The following MBD5 variants were observed in gnomAD, a reference collection of about 807,000 sequenced individuals.
The protein encoded by MBD5 is methyl-CpG-binding domain protein 5.
A neutral mutation model predicts 117.3 loss-of-function variants in MBD5; 13 were observed. That is an observed-to-expected ratio of 0.11 (90% confidence interval 0.07 to 0.18). The LOEUF (loss-of-function observed/expected upper bound fraction) is 0.18, where lower values mean the gene tolerates loss of function less well. Ranked by LOEUF, MBD5 falls within the 10% of genes least tolerant of loss-of-function variation. The pLI is 1.00. For missense variants in MBD5, 1,879 were observed against 2,093.8 expected, an observed-to-expected ratio of 0.90 and a Z score of 2.00; for synonymous variants, 727 against 766.4, an observed-to-expected ratio of 0.95 and a Z score of 0.85.
At position 148,234,860 on chromosome 2, in the gene MBD5, T is replaced by C. The variant is rs768760413; in HGVS notation, c.-680+1465T>C. Among the ~76,000 whole-genome samples, 160 of 152,180 alleles carry C rather than the reference T, an allele frequency of 1.1e-3. 1 individual carries two copies. The highest frequency in any genetic ancestry group is 1.2e-3 in the South Asian group (6 of 4,834). On this transcript the variant is annotated intron_variant, in intron 3 of 13. Transcript: ENST00000642680. ...CATTTTAAATATTATTTAAATATTTTCTTAGTTTGGTATAATCCACTTAAC... is the reference window on the plus strand; with the variant it reads ...CATTTTAAATATTATTTAAATATTTCCTTAGTTTGGTATAATCCACTTAAC...
At chr2:148,395,426 CTT>C (rs397758785) in intron 4 of MBD5, among the ~76,000 whole-genome samples, 26 of 123,954 alleles carry the variant, frequency 2.1e-4, no homozygotes, top group African/African-American at 6.7e-4. Flanking sequence ...CCCAACTCAT[CTT>C]TTTTTTTTTT....
At chr2:148,316,220 A>G (rs1702154632) in intron 3 of MBD5, among the ~76,000 whole-genome samples, 1 of 152,144 alleles carries the variant, frequency 6.6e-6, no homozygotes, top group South Asian at 2.1e-4. Context: ...TGAGATTTGG[A>G]TGGGGACACA....
chr2:148,509,931 A>G, intron 12 of MBD5, 129 bp from the exon 13 acceptor site: 3 of 717,234 alleles, frequency 4.2e-6, no homozygotes, highest in Non-Finnish European at 7.6e-6. Context: ...TGTCATCTGA[A>G]TTTTCCAAAC....
intron 8 of MBD5, among the ~76,000 whole-genome samples, chr2:148,473,947 A>C (rs1680876780): frequency 6.6e-6 from 1 of 152,190 alleles, no homozygotes; most frequent in Non-Finnish European, 1.5e-5. Context: ...TAACAGATTT[A>C]GAAACTGACC....
intron 12 of MBD5, among the ~76,000 whole-genome samples, chr2:148,508,185 A>G (rs896416292): frequency 1.3e-5 from 2 of 152,196 alleles, no homozygotes; most frequent in African/African-American, 4.8e-5. Context: ...TGCTTGGCAG[A>G]CACCTCATTA....
intron 1 of MBD5, among the ~76,000 whole-genome samples, chr2:148,138,440 G>A (rs1319960373): frequency 6.6e-6 from 1 of 152,118 alleles, no homozygotes; most frequent in Non-Finnish European, 1.5e-5. Flanking sequence ...AGATTCATTT[G>A]GAATAAATCT....
intron 5 of MBD5, among the ~76,000 whole-genome samples, chr2:148,459,351 T>TTTAC (rs762438551): frequency 1.4e-4 from 21 of 152,254 alleles, no homozygotes; most frequent in Admixed American, 5.2e-4. Flanking sequence ...TTTCCTTGCG[T>TTTAC]GTAATAGTAA....
rs571361533 is a variant in MBD5 at position 148,335,939 on chromosome 2, G to A, written c.-679-6275G>A. ...ATACAGCTAGTGCATGACAAAAGTCGAATTCAAATTCAAGATTCATTTATT... is the reference window on the plus strand; with the variant it reads ...ATACAGCTAGTGCATGACAAAAGTCAAATTCAAATTCAAGATTCATTTATT... On this transcript the variant is annotated intron_variant, in intron 3 of 13. Transcript: ENST00000642680. Among the ~76,000 whole-genome samples the A allele has an allele frequency of 8.5e-5, 13 of 152,198 alleles. No homozygotes were observed. The South Asian group carries it at 1.7e-3, about 19-fold the overall frequency.
At chr2:148,511,372 C>T (rs1682209086) in intron 13 of MBD5, among the ~76,000 whole-genome samples, 1 of 152,210 alleles carries the variant, frequency 6.6e-6, no homozygotes, top group Non-Finnish European at 1.5e-5. Flanking sequence ...GCCATCATCT[C>T]TCTAGGCTCT....
At chr2:148,083,478 A>G (rs1357219506) in intron 1 of MBD5, among the ~76,000 whole-genome samples, 1 of 152,116 alleles carries the variant, frequency 6.6e-6, no homozygotes, top group Non-Finnish European at 1.5e-5. Context: ...AGACATATAC[A>G]TGGTCCATCC....
intron 4 of MBD5, chr2:148,346,336 C>A (rs1218189228): frequency 6.6e-6 from 1 of 151,864 alleles, no homozygotes; most frequent in Non-Finnish European, 1.5e-5. Flanking sequence ...CTGTCAATAT[C>A]CCACTACACA....
chr2:148,234,907 A>C (rs1384898641), intron 3 of MBD5, among the ~76,000 whole-genome samples: 1 of 152,170 alleles, frequency 6.6e-6, no homozygotes, highest in Non-Finnish European at 1.5e-5. Flanking sequence ...ACTACTAAAA[A>C]TTGATCATTG....
At chr2:148,482,306 T>TA (rs1214476220) in intron 8 of MBD5, among the ~76,000 whole-genome samples, 2 of 152,026 alleles carry the variant, frequency 1.3e-5, no homozygotes, top group Admixed American at 6.6e-5. Context: ...TTGGAAATAA[T>TA]AAAAAAACTC....
chr2:148,121,430 G>T, intron 1 of MBD5, among the ~76,000 whole-genome samples: 1 of 150,784 alleles, frequency 6.6e-6, no homozygotes. Flanking sequence ...TTTTTACAAT[G>T]ATATGCATTT....
intron 1 of MBD5, among the ~76,000 whole-genome samples, chr2:148,152,217 C>T (rs1351125809): frequency 6.6e-6 from 1 of 152,178 alleles, no homozygotes; most frequent in Non-Finnish European, 1.5e-5. Context: ...CATTCAGGAG[C>T]AGGTTGTTCA....
At chr2:148,269,551 C>T (rs1228371154) in intron 3 of MBD5, among the ~76,000 whole-genome samples, 1 of 151,598 alleles carries the variant, frequency 6.6e-6, no homozygotes, top group African/African-American at 2.4e-5. Flanking sequence ...TCATTTCCTA[C>T]AGTGATGTTG....
chr2:148,285,234 G>A (rs971328489), intron 3 of MBD5, among the ~76,000 whole-genome samples: 6 of 152,166 alleles, frequency 3.9e-5, no homozygotes, highest in African/African-American at 1.4e-4. Flanking sequence ...ATAACTACAG[G>A]ATAACTGAAA....
At chr2:148,274,960 A>G (rs1473844740) in intron 3 of MBD5, among the ~76,000 whole-genome samples, 2 of 152,054 alleles carry the variant, frequency 1.3e-5, no homozygotes, top group Admixed American at 1.3e-4. Flanking sequence ...TCAGGTGTTG[A>G]CCTCAAGTGA....
chr2:148,502,590 A>C, intron 12 of MBD5, 81 bp downstream of exon 12: 6,860 of 1,301,938 alleles, frequency 5.3e-3, no homozygotes, highest in Non-Finnish European at 6.9e-3. Context: ...ATGAAATCTC[A>C]CTGATTCTGT....
Sources: gnomAD v4.1 joint callset for allele counts (sites outside exome capture counted in the v4.1 genomes callset) on GRCh38, gnomAD v4.1.1 for gene constraint, MANE v1.5 for transcripts, NCBI Gene and HGNC (gene_info 2026-07-23, HGNC 2026-07-21) for gene names.